Variants in ARHGEF28 observed in about 807,000 individuals in gnomAD.
ARHGEF28 encodes the protein 190 kDa guanine nucleotide exchange factor.
Under a neutral mutation model 206.6 loss-of-function variants are expected in ARHGEF28, and 152 were observed. That is an observed-to-expected ratio of 0.74 (90% CI 0.64 to 0.84). ARHGEF28 has a LOEUF of 0.84. Among genes scored for constraint, ARHGEF28 ranks in the 40% least tolerant of loss-of-function variants. The probability of loss-of-function intolerance (pLI) is 0.00; values close to 1 mark genes in which losing one functional copy is unlikely to be tolerated. For missense variants in ARHGEF28, 2,028 were observed against 2,073.2 expected, an observed-to-expected ratio of 0.98 and a Z score of 0.42; for synonymous variants, 763 against 776.4, an observed-to-expected ratio of 0.98 and a Z score of 0.29.
intron 9 of ARHGEF28, among the ~76,000 whole-genome samples, chr5:73,796,049 C>T (rs1754785188): frequency 6.6e-6 from 1 of 152,230 alleles, no homozygotes; most frequent in South Asian, 2.1e-4. Flanking sequence ...TCCTAAATCT[C>T]CTCCCAGGTA....
At chr5:73,832,243 C>A in intron 9 of ARHGEF28, 95 bp from the exon 10 acceptor site, 2 of 1,426,706 alleles carry the variant, frequency 1.4e-6, no homozygotes, top group Non-Finnish European at 1.9e-6. Context: ...AAAAAATGCA[C>A]TTGACTTTTT....
intron 15 of ARHGEF28, 46 bp from the exon 16 acceptor site, chr5:73,858,041 T>G: frequency 6.4e-7 from 1 of 1,558,258 alleles, no homozygotes; most frequent in Non-Finnish European, 8.6e-7. Flanking sequence ...GCGTTTTCCT[T>G]TTCTCATTTT....
intron 2 of ARHGEF28, among the ~76,000 whole-genome samples, chr5:73,741,361 G>C (rs1751367904): frequency 2.0e-5 from 1 of 50,206 alleles, no homozygotes. Flanking sequence ...GTGTGTGTGT[G>C]TGTGTGTGTG....
intron 22 of ARHGEF28, among the ~76,000 whole-genome samples, chr5:73,878,830 C>T (rs919312978): frequency 1.8e-4 from 27 of 151,400 alleles, no homozygotes; most frequent in African/African-American, 4.9e-4. Context: ...GTGGGTAACC[C>T]GACCTTTCTC....
chr5:73,906,045 A>G (rs1205498297), intron 33 of ARHGEF28, among the ~76,000 whole-genome samples: 3 of 152,252 alleles, frequency 2.0e-5, no homozygotes, highest in Non-Finnish European at 2.9e-5. Context: ...ATATAAAGGC[A>G]TGCTGCATTC....
At chr5:73,713,830 A>G (rs1255620384) in intron 2 of ARHGEF28, among the ~76,000 whole-genome samples, 1 of 152,228 alleles carries the variant, frequency 6.6e-6, no homozygotes, top group African/African-American at 2.4e-5. Flanking sequence ...TCTGGGTTGA[A>G]GTATCCTTTT....
At chr5:73,865,057 A>T (rs1450902499) in intron 17 of ARHGEF28, among the ~76,000 whole-genome samples, 185 bp downstream of exon 17, 3 of 152,220 alleles carry the variant, frequency 2.0e-5, no homozygotes, top group African/African-American at 7.2e-5. Context: ...ATAGAAGGAA[A>T]GCTCAAGTCC....
intron 2 of ARHGEF28, among the ~76,000 whole-genome samples, chr5:73,739,884 G>C (rs924419379): frequency 2.0e-5 from 3 of 149,490 alleles, no homozygotes; most frequent in African/African-American, 7.3e-5. Flanking sequence ...AAATAAACCT[G>C]GGGCTGGATG....
At chr5:73,912,399 C>T (rs928435520) in intron 35 of ARHGEF28, among the ~76,000 whole-genome samples, 3 of 152,178 alleles carry the variant, frequency 2.0e-5, no homozygotes, top group Non-Finnish European at 2.9e-5. Flanking sequence ...GTCTTCAGAA[C>T]TGGATACAGA....
intron 35 of ARHGEF28, among the ~76,000 whole-genome samples, chr5:73,914,311 A>T (rs929320320): frequency 3.9e-5 from 6 of 152,086 alleles, no homozygotes; most frequent in Non-Finnish European, 7.3e-5. Context: ...ATAGCTAGTA[A>T]ATTGAACCTG....
In ARHGEF28 at chr5:73,812,142, T is replaced by G. The variant is rs144214625; in HGVS notation, c.1024+16751T>G. Among the ~76,000 whole-genome samples the G allele has an allele frequency of 2.5e-3, 380 of 152,320 alleles. 3 individuals are homozygous for G. Among genetic ancestry groups the G allele is most frequent in the African/African-American group, 8.2e-3 (341 of 41,558 alleles). ...GTAGTGATTTATGTAATTCTGATTT[T>G]GATTTAAATTTGAAATTAAGTGGTC... On this transcript the variant is annotated intron_variant, in intron 9 of 35. Transcript: ENST00000513042.
chr5:73,831,310 A>T (rs556363639), intron 9 of ARHGEF28, among the ~76,000 whole-genome samples: 1 of 152,350 alleles, frequency 6.6e-6, no homozygotes, highest in East Asian at 1.9e-4. Context: ...AGCCAAGGTC[A>T]CAAGACACAA....
intron 8 of ARHGEF28, 150 bp from the exon 9 acceptor site, chr5:73,795,181 T>C (rs1044694055): frequency 1.5e-6 from 1 of 650,202 alleles, no homozygotes; most frequent in Non-Finnish European, 2.6e-6. Context: ...TAATATTAAG[T>C]ATAAGACTAG....
chr5:73,783,402 G>A (rs750596367), intron 7 of ARHGEF28, among the ~76,000 whole-genome samples: 5 of 151,714 alleles, frequency 3.3e-5, no homozygotes, highest in East Asian at 3.9e-4. Flanking sequence ...GTGTGTGCGC[G>A]CTTCTGTATG....
intron 22 of ARHGEF28, among the ~76,000 whole-genome samples, chr5:73,880,374 A>G (rs2112660969): frequency 6.6e-6 from 1 of 152,250 alleles, no homozygotes; most frequent in South Asian, 2.1e-4. Context: ...GACCCCTTGC[A>G]CTTCCCAAGT....
At chr5:73,939,479 G>T (rs908493421) in intron 35 of ARHGEF28, among the ~76,000 whole-genome samples, 2 of 152,152 alleles carry the variant, frequency 1.3e-5, no homozygotes, top group African/African-American at 2.4e-5. Context: ...TCACCCCCAT[G>T]CCTCCCTACC....
rs141591210 is a variant in ARHGEF28, at chr5:73,723,224, C to T, written c.34-26613C>T. Among the ~76,000 whole-genome samples, 152 of 152,188 alleles carry T rather than the reference C, an allele frequency of 1.0e-3. 2 individuals are homozygous for T. In the East Asian group the frequency reaches 0.027, roughly 27 times the overall value. On this transcript the variant is annotated intron_variant, in intron 2 of 35. Transcript: ENST00000513042. ...TTTTCCTTTGTGATGGAGTCTTGCTCTGTCGCCAGGCTGGAGTGCAGTGGC... is the reference window on the plus strand; with the variant it reads ...TTTTCCTTTGTGATGGAGTCTTGCTTTGTCGCCAGGCTGGAGTGCAGTGGC...
intron 2 of ARHGEF28, among the ~76,000 whole-genome samples, chr5:73,701,569 G>A (rs1050290126): frequency 2.6e-5 from 4 of 152,004 alleles, no homozygotes; most frequent in Admixed American, 1.3e-4. Flanking sequence ...AGCTTTCATC[G>A]ATGAGTAGAT....
At chr5:73,727,168 G>A (rs182851824) in intron 2 of ARHGEF28, among the ~76,000 whole-genome samples, 27 of 152,250 alleles carry the variant, frequency 1.8e-4, no homozygotes, top group Admixed American at 1.0e-3. Flanking sequence ...AATTGGAGCC[G>A]GTGAAATTCA....
Sources: allele counts gnomAD v4.1 joint callset (sites outside exome capture counted in the v4.1 genomes callset), GRCh38; gene constraint gnomAD v4.1.1; transcripts MANE v1.5; gene names NCBI Gene and HGNC (gene_info 2026-07-23, HGNC 2026-07-21).